Variants in PARP11 observed in about 807,000 individuals in gnomAD.
The protein encoded by PARP11 is poly(ADP-ribose) polymerase family member 11.
PARP11 carries 31 observed loss-of-function variants against 42.9 expected under a neutral mutation model. The observed-to-expected ratio is 0.72, with a 90% CI of 0.54 to 0.98. PARP11 has a LOEUF of 0.98. Ranked by LOEUF, PARP11 falls within the 50% of genes least tolerant of loss-of-function variation. PARP11 has a pLI of 0.00. For missense variants in PARP11, 365 were observed against 413.1 expected (o/e 0.88, Z 1.01); for synonymous variants, 137 against 127.3 (o/e 1.08, Z -0.51).
chr12:3,822,029 T>C, intron 5 of PARP11, 26 bp from the exon 6 acceptor site: 1 of 1,609,430 alleles, frequency 6.2e-7, no homozygotes, highest in African/African-American at 1.3e-5. Context: ...TGCATAGATT[T>C]ACTGCAGTCA....
chr12:3,814,337 G>T, intron 6 of PARP11, 149 bp from the exon 7 acceptor site: 2 of 573,254 alleles, frequency 3.5e-6, no homozygotes, highest in Middle Eastern at 5.0e-4. Context: ...GTCTAGAAAA[G>T]AAATAATTTC....
At chr12:3,857,332 A>G (rs1948212191) in intron 1 of PARP11, among the ~76,000 whole-genome samples, 1 of 152,178 alleles carries the variant, frequency 6.6e-6, no homozygotes, top group African/African-American at 2.4e-5. Context: ...TAGGGATAAA[A>G]CACGGTGATC....
rs576621381 is a variant in PARP11, at chr12:3,820,483, G to A, written c.548+1390C>T. On this transcript the variant is annotated intron_variant, in intron 6 of 7. Coordinates refer to ENST00000228820, the MANE Select transcript of PARP11 (RefSeq NM_020367.6). The stretch of plus-strand genomic sequence containing the variant: ...GTAATTTATGTCATTACATAAAACC[G>A]TGAAGGGCATCACCAGAGTAAAACT... Among the ~76,000 whole-genome samples, 3 of 152,232 alleles carry A rather than the reference G, an allele frequency of 2.0e-5. 1 individual carries two copies. The highest frequency in any genetic ancestry group is 4.8e-5 in the African/African-American group (2 of 41,524).
intron 1 of PARP11, among the ~76,000 whole-genome samples, chr12:3,838,950 G>A (rs1467664152): frequency 6.6e-6 from 1 of 151,970 alleles, no homozygotes; most frequent in Non-Finnish European, 1.5e-5. Flanking sequence ...GGAAACTTGT[G>A]GGGGCGGCGA....
At chr12:3,855,708 A>G (rs187285013) in intron 1 of PARP11, among the ~76,000 whole-genome samples, 2 of 152,336 alleles carry the variant, frequency 1.3e-5, no homozygotes, top group East Asian at 3.9e-4. Flanking sequence ...GCCCAAGGTA[A>G]TTTATAGATT....
chr12:3,833,183 T>A (rs1171494656), intron 1 of PARP11, among the ~76,000 whole-genome samples: 1 of 152,256 alleles, frequency 6.6e-6, no homozygotes, highest in African/African-American at 2.4e-5. Context: ...TATTTGGTAA[T>A]AACAACTTCC....
At chr12:3,833,908 C>G (rs1750256960) in intron 1 of PARP11, among the ~76,000 whole-genome samples, 1 of 152,200 alleles carries the variant, frequency 6.6e-6, no homozygotes, top group African/African-American at 2.4e-5. Flanking sequence ...GAAGGGCAGG[C>G]TGCTGGTGTT....
intron 1 of PARP11, among the ~76,000 whole-genome samples, chr12:3,860,686 G>T (rs1429004252): frequency 6.6e-6 from 1 of 151,976 alleles, no homozygotes; most frequent in South Asian, 2.1e-4. Context: ...TAGAGACAGG[G>T]TCTTGCTCTG....
At chr12:3,870,772 C>G (rs1269964154) in intron 1 of PARP11, among the ~76,000 whole-genome samples, 1 of 152,092 alleles carries the variant, frequency 6.6e-6, no homozygotes, top group Non-Finnish European at 1.5e-5. Flanking sequence ...AAGACATATA[C>G]TTGGGTGGCT....
At chr12:3,815,450 C>T (rs1947267045) in intron 6 of PARP11, among the ~76,000 whole-genome samples, 1 of 152,214 alleles carries the variant, frequency 6.6e-6, no homozygotes, top group Admixed American at 6.5e-5. Context: ...AATTTGAACA[C>T]CTACCTAGGC....
At position 3,828,930 on chromosome 12, in the gene PARP11, C is replaced by T; in HGVS notation, c.248G>A (p.Ser83Asn). 1 of 1,613,870 alleles carries T rather than the reference C, an allele frequency of 6.2e-7. No individual in the cohort carries two copies. The highest frequency in any genetic ancestry group is 8.5e-7 in the Non-Finnish European group (1 of 1,179,862). ...CATACCTGCAAAGTCTATCTTGTAGCTGAATTTGGAAGTAGTAAAAGAAAT... is the reference window on the plus strand; with the variant it reads ...CATACCTGCAAAGTCTATCTTGTAGTTGAATTTGGAAGTAGTAAAAGAAAT... ...GSISFTTSKF[S>N]YKIDFAEMKQ... The change falls in exon 3 of 8, where the codon AGC becomes AAC. Residue 83 changes from serine (S) to asparagine (N), a missense_variant. Coordinates refer to ENST00000228820, the MANE Select transcript of PARP11 (RefSeq NM_020367.6).
intron 7 of PARP11, among the ~76,000 whole-genome samples, chr12:3,812,664 C>T (rs764107623): frequency 6.6e-6 from 1 of 152,198 alleles, no homozygotes; most frequent in Non-Finnish European, 1.5e-5. Context: ...GACCAGTCCT[C>T]ACCACCAACA....
chr12:3,843,668 T>A (rs1947938311), intron 1 of PARP11, among the ~76,000 whole-genome samples: 1 of 152,228 alleles, frequency 6.6e-6, no homozygotes, highest in Admixed American at 6.5e-5. Context: ...TCTGCTTTCT[T>A]CCAGTCTTTG....
chr12:3,826,364 G>T (rs907442143), intron 3 of PARP11, 131 bp from the exon 4 acceptor site: 3 of 569,192 alleles, frequency 5.3e-6, no homozygotes, highest in Non-Finnish European at 9.1e-6. Flanking sequence ...CAAGCATAGT[G>T]TATTATGGGT....
chr12:3,864,096 G>C (rs1244320899), intron 1 of PARP11: 1 of 152,208 alleles, frequency 6.6e-6, no homozygotes, highest in Non-Finnish European at 1.5e-5. Context: ...CGTCCATCAG[G>C]TTGAGCAAGT....
intron 1 of PARP11, among the ~76,000 whole-genome samples, chr12:3,857,736 T>C (rs555437341): frequency 6.6e-6 from 1 of 152,262 alleles, no homozygotes; most frequent in African/African-American, 2.4e-5. Context: ...CTTACTGCAG[T>C]GAAGCTAGAC....
At chr12:3,841,307 G>A in intron 1 of PARP11, 3 of 1,245,764 alleles carry the variant, frequency 2.4e-6, no homozygotes, top group South Asian at 2.4e-5. Context: ...GCATACAGTT[G>A]TCCTGTGTGG....
intron 1 of PARP11, among the ~76,000 whole-genome samples, chr12:3,846,420 A>G (rs371680536): frequency 3.3e-5 from 5 of 152,196 alleles, no homozygotes; most frequent in African/African-American, 1.2e-4. Flanking sequence ...AAATGGATAA[A>G]TTCCTGGACA....
chr12:3,812,173 C>A lies in PARP11; in HGVS notation c.967G>T (p.Val323Phe), dbSNP rs1385836174. 1 of 1,613,932 alleles carries A rather than the reference C, an allele frequency of 6.2e-7. No individual in the cohort carries two copies. The highest frequency in any genetic ancestry group is 8.5e-7 in the Non-Finnish European group (1 of 1,179,984). ...DDTWNPKIFV[V>F]FDANQIYPEY... ...GGATAGATTTGGTTGGCATCAAAAA[C>A]CACAAAGATCTTTGGGTTCCAGGTA... is the stretch of plus-strand genomic sequence containing the variant. The change falls in exon 8 of 8, where the codon GTT becomes TTT. Residue 323 changes from valine to phenylalanine, a missense_variant. Physicochemically the swap from Val to Phe is conservative, Grantham distance 50. Coordinates refer to ENST00000228820, the MANE Select transcript of PARP11 (RefSeq NM_020367.6).
Sources: gnomAD v4.1 joint callset for allele counts (sites outside exome capture counted in the v4.1 genomes callset) on GRCh38, gnomAD v4.1.1 for gene constraint, MANE v1.5 for transcripts, NCBI Gene and HGNC (gene_info 2026-07-23, HGNC 2026-07-21) for gene names.